Variants in INPP4B observed in about 807,000 individuals in gnomAD.
INPP4B encodes inositol polyphosphate 4-phosphatase type II.
INPP4B carries 55 observed loss-of-function variants against 122.5 expected under a neutral mutation model. That is an observed-to-expected ratio of 0.45 (90% CI 0.36 to 0.56). The LOEUF (loss-of-function observed/expected upper bound fraction) is 0.56, where lower values mean the gene tolerates loss of function less well. INPP4B is among the 20% of genes least tolerant of loss of function. INPP4B has a pLI of 0.00. For synonymous variants in INPP4B, 403 were observed against 388.7 expected, an observed-to-expected ratio of 1.04 and a Z score of -0.43; for missense variants, 1,000 against 1,097.7, an observed-to-expected ratio of 0.91 and a Z score of 1.26.
At chr4:142,577,364 C>A (rs551864789) in intron 2 of INPP4B, among the ~76,000 whole-genome samples, 18 of 151,912 alleles carry the variant, frequency 1.2e-4, no homozygotes, top group Non-Finnish European at 2.4e-4. Flanking sequence ...CAGTAAGATA[C>A]CATTGTATGT....
At chr4:142,030,283 G>C in intron 25 of INPP4B, 4 of 1,535,406 alleles carry the variant, frequency 2.6e-6, no homozygotes, top group Non-Finnish European at 2.6e-6. Context: ...GATTCATTCA[G>C]TGCTCCCTGG....
rs35550228 is a variant in INPP4B at position 142,248,630 on chromosome 4, ATGTG to A, written c.689-10623_689-10620del. Among the ~76,000 whole-genome samples, 178 of 148,266 alleles carry A rather than the reference ATGTG, an allele frequency of 1.2e-3. 1 individual carries two copies. The highest frequency in any genetic ancestry group is 2.1e-3 in the Non-Finnish European group (142 of 67,140). ...CTGGGATTTCTCTCTCACTCTCTGTATGTGTGTGTGTGTGTGTGTGTATGTGTGT... is the reference window on the plus strand; with the variant it reads ...CTGGGATTTCTCTCTCACTCTCTGTATGTGTGTGTGTGTGTGTATGTGTGT... On this transcript the variant is annotated intron_variant, in intron 11 of 25. Coordinates refer to ENST00000262992, the MANE Select transcript of INPP4B (RefSeq NM_001101669.3).
At chr4:142,114,051 T>C (rs1319428354) in intron 21 of INPP4B, among the ~76,000 whole-genome samples, 1 of 152,096 alleles carries the variant, frequency 6.6e-6, no homozygotes, top group Non-Finnish European at 1.5e-5. Flanking sequence ...ATCCTATGAA[T>C]TGATTCATAC....
At chr4:142,267,580 T>G (rs966826128) in intron 10 of INPP4B, among the ~76,000 whole-genome samples, 1 of 152,138 alleles carries the variant, frequency 6.6e-6, no homozygotes, top group Non-Finnish European at 1.5e-5. Flanking sequence ...CAAAATGAGT[T>G]AAAGACTGAA....
Position 142,114,241 on chromosome 4 carries a change from C to T in INPP4B, c.2136-1559G>A, listed in dbSNP as rs75170953. Among the ~76,000 whole-genome samples, 46 of 152,024 alleles carry T rather than the reference C, an allele frequency of 3.0e-4. No individual in the cohort carries two copies. In the East Asian group the frequency reaches 3.5e-3, roughly 12 times the overall value. Reference sequence around the variant, plus strand: ...TAGACACTTGGATTATTCCATGATTCGGCGTATTATTAATAATGCTGCTAT... The same window carrying T: ...TAGACACTTGGATTATTCCATGATTTGGCGTATTATTAATAATGCTGCTAT... On this transcript the variant is annotated intron_variant, in intron 21 of 25. Transcript: ENST00000262992.
chr4:142,112,425 G>A, intron 22 of INPP4B, 117 bp downstream of exon 22: 1 of 1,084,906 alleles, frequency 9.2e-7, no homozygotes. Context: ...CTGATAAAAA[G>A]AAAAATGTTA....
At chr4:142,065,478 A>G (rs987533545) in intron 25 of INPP4B, among the ~76,000 whole-genome samples, 1 of 152,178 alleles carries the variant, frequency 6.6e-6, no homozygotes, top group Non-Finnish European at 1.5e-5. Flanking sequence ...GCTGAATGTT[A>G]ATACTCTGGG....
chr4:142,098,375 A>C (rs1782956369), intron 23 of INPP4B, among the ~76,000 whole-genome samples: 1 of 152,140 alleles, frequency 6.6e-6, no homozygotes, highest in Admixed American at 6.6e-5. Flanking sequence ...AAAAAAAACT[A>C]ACAACATTGG....
chr4:142,298,360 G>A (rs72722473), intron 9 of INPP4B, among the ~76,000 whole-genome samples: 8,882 of 152,066 alleles, frequency 0.058, 393 homozygotes, highest in East Asian at 0.2. Flanking sequence ...AGAAGCTGAA[G>A]GGCCAGGTTT....
intron 19 of INPP4B, among the ~76,000 whole-genome samples, chr4:142,124,090 C>T (rs1409863322): frequency 1.3e-5 from 2 of 151,930 alleles, no homozygotes; most frequent in East Asian, 3.9e-4. Flanking sequence ...AGGAAGGTGG[C>T]CCTGTCAAAC....
intron 2 of INPP4B, among the ~76,000 whole-genome samples, chr4:142,478,002 C>T (rs1820014048): frequency 6.6e-6 from 1 of 152,144 alleles, no homozygotes; most frequent in Non-Finnish European, 1.5e-5. Context: ...GGGGTTTTGC[C>T]ATGTCGCCCC....
At chr4:142,495,287 G>A (rs971172090) in intron 2 of INPP4B, among the ~76,000 whole-genome samples, 7 of 151,756 alleles carry the variant, frequency 4.6e-5, no homozygotes, top group Non-Finnish European at 8.8e-5. Flanking sequence ...ACCAAAAAAC[G>A]ACTCTTCTCA....
At chr4:142,191,652 A>G (rs1489699001) in intron 15 of INPP4B, among the ~76,000 whole-genome samples, 1 of 152,196 alleles carries the variant, frequency 6.6e-6, no homozygotes, top group African/African-American at 2.4e-5. Context: ...ATTTGTGAGA[A>G]GGGTGTGAAT....
rs1762824126 is a variant in INPP4B at position 142,305,044 on chromosome 4, A to G, written c.503+414T>C. Among the ~76,000 whole-genome samples the G allele has an allele frequency of 1.3e-5, 2 of 152,162 alleles. 1 individual carries two copies. ...CACCAAAATAGGCTGAAAAAAGAAT[A>G]ATCAGCTTACTCTCTATTATCATAA... On this transcript the variant is annotated intron_variant, in intron 9 of 25. Transcript: ENST00000262992.
chr4:142,270,510 A>G (rs2150562201), intron 10 of INPP4B, among the ~76,000 whole-genome samples, 153 bp downstream of exon 10: 1 of 152,320 alleles, frequency 6.6e-6, no homozygotes, highest in Non-Finnish European at 1.5e-5. Flanking sequence ...CAGAGGCTGA[A>G]ACACACATAT....
intron 14 of INPP4B, among the ~76,000 whole-genome samples, chr4:142,199,762 G>C (rs111300462): frequency 0.03 from 4,540 of 152,042 alleles, 212 homozygotes; most frequent in African/African-American, 0.1. Flanking sequence ...GACTTAGGTT[G>C]TGCAATATGG....
At chr4:142,164,737 A>G (rs1320164498) in intron 16 of INPP4B, among the ~76,000 whole-genome samples, 2 of 151,452 alleles carry the variant, frequency 1.3e-5, no homozygotes, top group Admixed American at 6.6e-5. Flanking sequence ...TTATTATTTT[A>G]TCTTACTTTT....
In INPP4B at chr4:142,605,071, T is replaced by G. The variant is rs934164758; in HGVS notation, c.-191+120768A>C. Among the ~76,000 whole-genome samples, 9 of 152,120 alleles carry G rather than the reference T, an allele frequency of 5.9e-5. No individual in the cohort carries two copies. In the South Asian group the frequency reaches 1.7e-3, roughly 28 times the overall value. On this transcript the variant is annotated intron_variant, in intron 2 of 25. Coordinates refer to ENST00000262992, the MANE Select transcript of INPP4B (RefSeq NM_001101669.3). ...GGAGCCAGAAATAAATCCACATATT[T>G]ATAGCCAACTGATCTTTGGCAAAGT...
intron 2 of INPP4B, among the ~76,000 whole-genome samples, chr4:142,627,236 C>T (rs960681071): frequency 3.3e-5 from 5 of 151,784 alleles, no homozygotes; most frequent in African/African-American, 1.2e-4. Context: ...TAATTGAATA[C>T]CCTTTATTTC....
Sources: gnomAD v4.1 joint callset for allele counts (sites outside exome capture counted in the v4.1 genomes callset) on GRCh38, gnomAD v4.1.1 for gene constraint, MANE v1.5 for transcripts, NCBI Gene and HGNC (gene_info 2026-07-23, HGNC 2026-07-21) for gene names.